The following SLC18A1 variants were observed in gnomAD, a reference collection of about 807,000 sequenced individuals.
SLC18A1 encodes solute carrier family 18 member A1.
A neutral mutation model predicts 53.7 loss-of-function variants in SLC18A1; 69 were observed. The observed-to-expected ratio is 1.28, with a 90% CI of 1.06 to 1.57. The LOEUF (loss-of-function observed/expected upper bound fraction) is 1.57. SLC18A1 is among the 40% of genes most tolerant of loss of function. The pLI, the probability that SLC18A1 is intolerant of heterozygous loss-of-function variation, is 0.00. For synonymous variants in SLC18A1, 320 were observed against 248.1 expected (o/e 1.29, Z -2.72); for missense variants, 932 against 668.1 (o/e 1.40, Z -4.35).
intron 10 of SLC18A1, among the ~76,000 whole-genome samples, chr8:20,160,407 A>G (rs1412234463): frequency 1.3e-5 from 2 of 151,570 alleles, no homozygotes; most frequent in African/African-American, 2.4e-5. Context: ...ACATTTTAGC[A>G]GTATTTTGTG....
At chr8:20,172,981 C>T in intron 6 of SLC18A1, 55 bp downstream of exon 6, 1 of 1,316,112 alleles carries the variant, frequency 7.6e-7, no homozygotes. Flanking sequence ...TCGGGAACAC[C>T]TGCTTCCTAG....
intron 10 of SLC18A1, among the ~76,000 whole-genome samples, chr8:20,164,482 T>C (rs1043047767): frequency 1.3e-5 from 2 of 152,202 alleles, no homozygotes; most frequent in Admixed American, 1.3e-4. Context: ...TCATCCAATT[T>C]CTCTTGAACT....
Position 20,150,835 on chromosome 8 carries a change from A to G in SLC18A1, c.1016-91T>C, listed in dbSNP as rs1016119386. On this transcript the variant is annotated intron_variant, in intron 10 of 15. Transcript: ENST00000276373. ...ACAAGACACTGAAGTCCACCCCTGT[A>G]ACCTTCCAAGATCCCCAAACCACTT... is the stretch of plus-strand genomic sequence containing the variant. 1.2e-5 allele frequency: 14 copies of G among 1,177,444 alleles called. No homozygotes were observed. In the Admixed American group the frequency reaches 1.9e-4, roughly 16 times the overall value. 72.9% of individuals were successfully genotyped at this position (1,177,444 alleles called of 1,614,324 possible).
intron 10 of SLC18A1, among the ~76,000 whole-genome samples, chr8:20,160,304 A>G (rs920254445): frequency 6.7e-6 from 1 of 148,662 alleles, no homozygotes; most frequent in African/African-American, 2.5e-5. Context: ...TCCTAGATAC[A>G]CCTCCTTGAC....
rs1585232035 is a variant in SLC18A1, at chr8:20,181,032, T to C, written c.-68A>G. ...GGGAAGGTCCTGTGACAGCTACAGG[T>C]CTCCTGCAGCCTTTATGGAAGAGGG... On this transcript the variant is annotated 5_prime_UTR_variant, in exon 2 of 16. Coordinates refer to ENST00000276373, the MANE Select transcript of SLC18A1 (RefSeq NM_003053.4). 6.6e-7 allele frequency: 1 copy of C among 1,512,840 alleles called. No homozygotes were observed. The highest frequency in any genetic ancestry group is 1.4e-5 in the African/African-American group (1 of 72,274). 93.7% of individuals were successfully genotyped at this position (1,512,840 alleles called of 1,614,324 possible).
chr8:20,172,671 C>T (rs185296696), intron 6 of SLC18A1, among the ~76,000 whole-genome samples: 1 of 152,212 alleles, frequency 6.6e-6, no homozygotes, highest in Admixed American at 6.5e-5. Flanking sequence ...GAAAATCATT[C>T]CTCCTTTCAT....
chr8:20,178,325 T>C (rs913899071), intron 4 of SLC18A1, 110 bp downstream of exon 4: 1 of 802,626 alleles, frequency 1.2e-6, no homozygotes, highest in Non-Finnish European at 2.0e-6. Context: ...CCAGTCTGCT[T>C]AGTCAGATGC....
intron 4 of SLC18A1, among the ~76,000 whole-genome samples, chr8:20,178,168 T>G (rs946802918): frequency 6.9e-6 from 1 of 145,036 alleles, no homozygotes; most frequent in Non-Finnish European, 1.5e-5. Context: ...GCATACATAT[T>G]CAAACAGCTC....
Position 20,171,136 on chromosome 8 carries a change from A to G in SLC18A1, c.825T>C (p.Leu275=). 1 of 1,614,186 alleles carries G rather than the reference A, an allele frequency of 6.2e-7. No homozygotes were observed. The highest frequency in any genetic ancestry group is 1.1e-5 in the South Asian group (1 of 91,080). The part of the protein sequence containing the change: ...FLALLDGALQ[L]CILQPSKVSP... ...AGACTTTGGAAGGCTGTAGGATGCA[A>G]AGCTGGAGTGCTAAGAAACAAAGAA... Residue 275 remains leucine (L), a synonymous_variant, in exon 8 of 16, where the codon CTT becomes CTC. Transcript: ENST00000276373.
intron 10 of SLC18A1, among the ~76,000 whole-genome samples, chr8:20,155,344 C>T (rs73210890): frequency 0.051 from 7,698 of 152,264 alleles, 301 homozygotes; most frequent in Non-Finnish European, 0.077. Context: ...CAGTTACAAA[C>T]GATTAGCGTG....
chr8:20,168,180 C>A (rs2072018397), intron 8 of SLC18A1, among the ~76,000 whole-genome samples: 1 of 151,952 alleles, frequency 6.6e-6, no homozygotes. Flanking sequence ...TCAAGGCCAG[C>A]CTGGGCAACA....
chr8:20,157,775 A>G (rs2071719347), intron 10 of SLC18A1, among the ~76,000 whole-genome samples: 1 of 152,194 alleles, frequency 6.6e-6, no homozygotes, highest in Non-Finnish European at 1.5e-5. Flanking sequence ...TTTATAATAG[A>G]GATCAGGAGG....
intron 7 of SLC18A1, 78 bp from the exon 8 acceptor site, chr8:20,171,224 C>T: frequency 6.7e-7 from 1 of 1,482,712 alleles, no homozygotes; most frequent in Non-Finnish European, 9.4e-7. Flanking sequence ...GTAGTGCTAC[C>T]ACCCTATTAT....
intron 2 of SLC18A1, 92 bp from the exon 3 acceptor site, chr8:20,179,576 C>T (rs1220549316): frequency 1.4e-6 from 2 of 1,474,158 alleles, no homozygotes; most frequent in Non-Finnish European, 1.8e-6. Flanking sequence ...GTCAATTCTA[C>T]TGAAAGTCAA....
In SLC18A1 at chr8:20,164,976, G is replaced by C. The variant is rs551568664; in HGVS notation, c.920-12C>G. On this transcript the variant is annotated splice_polypyrimidine_tract_variant and intron_variant, in intron 9 of 15. Coordinates refer to ENST00000276373, the MANE Select transcript of SLC18A1 (RefSeq NM_003053.4). Reference sequence around the variant, plus strand: ...AAAGCAGATGGACCCTGGGGAGACTGTTCTGTGAGCAGCCGTGGCTGCTTG... The same window carrying C: ...AAAGCAGATGGACCCTGGGGAGACTCTTCTGTGAGCAGCCGTGGCTGCTTG... 7 of 1,613,776 alleles carry C rather than the reference G, an allele frequency of 4.3e-6. No homozygotes were observed. In the African/African-American group the frequency reaches 6.7e-5, roughly 15 times the overall value.
chr8:20,150,709 TGAGG>T lies in SLC18A1; in HGVS notation c.1047_1050del (p.Tyr349Ter). On this transcript the variant is annotated frameshift_variant, in exon 11 of 16. Transcript: ENST00000276373. LOFTEE classifies it high-confidence loss of function. ...AACACACCAAAGAGGTTGGTGCCAA[TGAGG>T]TAGGACACACTGGCAGGCAAGAAAG... 1 of 1,614,160 alleles carries T rather than the reference TGAGG, an allele frequency of 6.2e-7. No individual in the cohort carries two copies. Among genetic ancestry groups the T allele is most frequent in the South Asian group, 1.1e-5 (1 of 91,078 alleles).
intron 10 of SLC18A1, among the ~76,000 whole-genome samples, chr8:20,159,515 G>C (rs1003073730): frequency 1.3e-5 from 2 of 151,848 alleles, no homozygotes; most frequent in Non-Finnish European, 2.9e-5. Context: ...AGAGCACAGA[G>C]GGAGGGACAA....
At chr8:20,148,457 G>T in intron 12 of SLC18A1, 1 of 1,290,862 alleles carries the variant, frequency 7.7e-7, no homozygotes, top group Non-Finnish European at 1.0e-6. Flanking sequence ...GAATAAAGTT[G>T]CCTCTGTTTT....
At chr8:20,159,018 G>A (rs914515984) in intron 10 of SLC18A1, among the ~76,000 whole-genome samples, 4 of 152,072 alleles carry the variant, frequency 2.6e-5, no homozygotes, top group Admixed American at 1.3e-4. Context: ...TTCAATCTCT[G>A]TATCTTAACC....
Sources: gnomAD v4.1 joint callset for allele counts (sites outside exome capture counted in the v4.1 genomes callset) on GRCh38, gnomAD v4.1.1 for gene constraint, MANE v1.5 for transcripts, NCBI Gene and HGNC (gene_info 2026-07-23, HGNC 2026-07-21) for gene names.